The following FAM114A1 variants were observed in gnomAD, a reference collection of about 807,000 sequenced individuals.
FAM114A1 encodes family with sequence similarity 114 member A1.
A neutral mutation model predicts 64.3 loss-of-function variants in FAM114A1; 62 were observed. That is an observed-to-expected ratio of 0.96 (90% CI 0.79 to 1.19). The LOEUF is 1.19. Ranked by LOEUF, FAM114A1 falls within the 50% of genes most tolerant of loss-of-function variation. The pLI is 0.00. For missense variants in FAM114A1, 645 were observed against 676.3 expected, an observed-to-expected ratio of 0.95 and a Z score of 0.51; for synonymous variants, 254 against 251.1, an observed-to-expected ratio of 1.01 and a Z score of -0.11.
chr4:38,878,539 A>G, intron 3 of FAM114A1, 113 bp downstream of exon 3: 1 of 795,880 alleles, frequency 1.3e-6, no homozygotes, highest in Non-Finnish European at 2.0e-6. Flanking sequence ...ATGTACTGTG[A>G]CATCCCCTCT....
chr4:38,871,086 CTTTTTTT>C (rs9306968), intron 2 of FAM114A1, among the ~76,000 whole-genome samples: 5 of 94,026 alleles, frequency 5.3e-5, no homozygotes, highest in African/African-American at 4.5e-5. Context: ...TTTTTTCTTT[CTTTTTTT>C]TTTTTTTTTT....
intron 13 of FAM114A1, among the ~76,000 whole-genome samples, chr4:38,939,889 T>TC (rs1370737097): frequency 1.2e-4 from 14 of 118,476 alleles, no homozygotes; most frequent in South Asian, 1.1e-3. Flanking sequence ...TTTCTTTCTT[T>TC]TTTTTTTTTT....
chr4:38,932,888 T>G (rs1230575619), intron 12 of FAM114A1, among the ~76,000 whole-genome samples: 1 of 150,122 alleles, frequency 6.7e-6, no homozygotes, highest in South Asian at 2.1e-4. Flanking sequence ...AGAGTCTCGC[T>G]CTGTCACCAG....
At chr4:38,899,959 C>T (rs1717347595) in intron 4 of FAM114A1, among the ~76,000 whole-genome samples, 1 of 152,076 alleles carries the variant, frequency 6.6e-6, no homozygotes, top group Admixed American at 6.6e-5. Context: ...AGCTCATACA[C>T]TCTATTGCTT....
Position 38,920,932 on chromosome 4 carries a change from TCCCAGAG to T in FAM114A1, c.946-1835_946-1829del, listed in dbSNP as rs1037370822. On this transcript the variant is annotated intron_variant, in intron 8 of 14. Transcript: ENST00000358869. ...GTTGATGACTTCCTGCAGAGCTTCC[TCCCAGAG>T]CCTCAGTGCTGGCTGCATTATGCCC... Among the ~76,000 whole-genome samples, 9 of 152,304 alleles carry T rather than the reference TCCCAGAG, an allele frequency of 5.9e-5. 1 individual carries two copies. Among genetic ancestry groups the T allele is most frequent in the African/African-American group, 2.2e-4 (9 of 41,566 alleles).
In FAM114A1 at chr4:38,878,063, G is replaced by T. The variant is rs777324309; in HGVS notation, c.-8-8G>T. 1.3e-6 allele frequency: 2 copies of T among 1,583,850 alleles called. No homozygotes were observed. The highest frequency in any genetic ancestry group is 3.4e-5 in the Admixed American group (2 of 58,382). ...GAAAGCATGAGGTGTTTATAATTGT[G>T]TTGACAGATACTAAAATGTCTGATG... On this transcript the variant is annotated splice_polypyrimidine_tract_variant and splice_region_variant and intron_variant, in intron 2 of 14. Transcript: ENST00000358869.
At chr4:38,929,567 C>T (rs1432454676) in intron 10 of FAM114A1, among the ~76,000 whole-genome samples, 3 of 152,356 alleles carry the variant, frequency 2.0e-5, no homozygotes, top group East Asian at 1.9e-4. Context: ...CACCTGAGGT[C>T]AGGAGTTTGA....
chr4:38,931,162 A>G (rs1473603665), intron 10 of FAM114A1, among the ~76,000 whole-genome samples: 1 of 152,172 alleles, frequency 6.6e-6, no homozygotes, highest in South Asian at 2.1e-4. Context: ...TGTGACTGTC[A>G]TTTTTATTCT....
chr4:38,895,795 C>T (rs1293785641), intron 4 of FAM114A1, among the ~76,000 whole-genome samples: 4 of 152,152 alleles, frequency 2.6e-5, no homozygotes, highest in Non-Finnish European at 4.4e-5. Flanking sequence ...CATAGGACAG[C>T]TTATTACTGT....
intron 9 of FAM114A1, among the ~76,000 whole-genome samples, chr4:38,923,845 A>C (rs2109757845): frequency 6.6e-6 from 1 of 152,334 alleles, no homozygotes; most frequent in Non-Finnish European, 1.5e-5. Flanking sequence ...GGCTTCCTTA[A>C]GAGGGGAAAA....
chr4:38,911,055 T>G (rs1157433819), intron 7 of FAM114A1, among the ~76,000 whole-genome samples: 1 of 151,952 alleles, frequency 6.6e-6, no homozygotes, highest in Non-Finnish European at 1.5e-5. Flanking sequence ...CTGGTTAGAG[T>G]GACTATCAGT....
chr4:38,886,426 C>A (rs575076571), intron 3 of FAM114A1, among the ~76,000 whole-genome samples: 1 of 151,556 alleles, frequency 6.6e-6, no homozygotes, highest in South Asian at 2.1e-4. Flanking sequence ...CCACCTTGGC[C>A]TCCCAAAGTG....
chr4:38,918,138 C>G (rs997906403), intron 8 of FAM114A1, among the ~76,000 whole-genome samples: 1 of 152,024 alleles, frequency 6.6e-6, no homozygotes, highest in African/African-American at 2.4e-5. Context: ...GCAGGAGAAA[C>G]ACTTGAACCC....
intron 3 of FAM114A1, among the ~76,000 whole-genome samples, chr4:38,887,133 T>C (rs941403855): frequency 6.6e-6 from 1 of 152,140 alleles, no homozygotes; most frequent in Non-Finnish European, 1.5e-5. Flanking sequence ...GTACTTAATT[T>C]GTGTTTAGAT....
At chr4:38,943,331 A>C in intron 14 of FAM114A1, 125 bp from the exon 15 acceptor site, 6 of 737,556 alleles carry the variant, frequency 8.1e-6, no homozygotes, top group Non-Finnish European at 1.1e-5. Flanking sequence ...AAGCACCAAT[A>C]TTGCAAGATA....
At chr4:38,905,375 G>C in intron 4 of FAM114A1, 147 bp from the exon 5 acceptor site, 1 of 580,726 alleles carries the variant, frequency 1.7e-6, no homozygotes, top group East Asian at 3.3e-5. Context: ...CTCCAGCCTG[G>C]GTGACAGAGC....
intron 2 of FAM114A1, among the ~76,000 whole-genome samples, chr4:38,871,055 C>A (rs1300941431): frequency 6.7e-6 from 1 of 149,694 alleles, no homozygotes; most frequent in Non-Finnish European, 1.5e-5. Context: ...TGAATTAGAG[C>A]TGATCTTGCA....
At chr4:38,935,566 A>G in intron 12 of FAM114A1, 152 bp from the exon 13 acceptor site, 1 of 489,910 alleles carries the variant, frequency 2.0e-6, no homozygotes, top group Non-Finnish European at 3.6e-6. Flanking sequence ...GATTAAGGAA[A>G]ACCGCCTGAC....
intron 4 of FAM114A1, among the ~76,000 whole-genome samples, chr4:38,894,807 A>G (rs1384037075): frequency 6.6e-6 from 1 of 152,198 alleles, no homozygotes; most frequent in Non-Finnish European, 1.5e-5. Context: ...TATGTAAGGA[A>G]TTACCACAGT....
Sources: gnomAD v4.1 joint callset for allele counts (sites outside exome capture counted in the v4.1 genomes callset) on GRCh38, gnomAD v4.1.1 for gene constraint, MANE v1.5 for transcripts, NCBI Gene and HGNC (gene_info 2026-07-23, HGNC 2026-07-21) for gene names.